Variants in MEI1 observed in about 807,000 individuals in gnomAD.
The protein encoded by MEI1 is meiosis inhibitor protein 1.
A neutral mutation model predicts 146.2 loss-of-function variants in MEI1; 103 were observed. That is an observed-to-expected ratio of 0.70 (90% CI 0.60 to 0.83). The LOEUF is 0.83. MEI1 is among the 40% of genes least tolerant of loss of function. The pLI, the probability that MEI1 is intolerant of heterozygous loss-of-function variation, is 0.00. For synonymous variants in MEI1, 652 were observed against 628.2 expected, an observed-to-expected ratio of 1.04 and a Z score of -0.57; for missense variants, 1,529 against 1,533.0, an observed-to-expected ratio of 1.00 and a Z score of 0.04.
At chr22:41,796,597 A>G (rs1372068449) in intron 30 of MEI1, among the ~76,000 whole-genome samples, 4 of 152,122 alleles carry the variant, frequency 2.6e-5, no homozygotes, top group African/African-American at 9.7e-5. Context: ...AGTGCTCCAA[A>G]ATCTGAAACT....
At position 41,747,653 on chromosome 22, in the gene MEI1, G is replaced by A. The variant is rs1400556738; in HGVS notation, c.1681-454G>A. On this transcript the variant is annotated intron_variant, in intron 14 of 30. Transcript: ENST00000401548. Reference sequence around the variant, plus strand: ...CGAGAGGCAGAGGTTTCAATGAGCCGAGATCGCACCACTGATCGCCAGCCT... The same window carrying A: ...CGAGAGGCAGAGGTTTCAATGAGCCAAGATCGCACCACTGATCGCCAGCCT... Among the ~76,000 whole-genome samples the A allele has an allele frequency of 9.2e-5, 14 of 151,864 alleles. 1 individual carries two copies. The highest frequency in any genetic ancestry group is 8.5e-4 in the Admixed American group (13 of 15,238).
chr22:41,778,600 A>G, intron 21 of MEI1, 108 bp from the exon 22 acceptor site: 1 of 801,714 alleles, frequency 1.2e-6, no homozygotes, highest in African/African-American at 1.7e-5. Context: ...CTTAGGAAAC[A>G]AAAAACTTTG....
chr22:41,793,937 T>C (rs78516631), intron 27 of MEI1, 27 bp downstream of exon 27: 1 of 1,594,142 alleles, frequency 6.3e-7, no homozygotes, highest in African/African-American at 1.3e-5. Context: ...TTATCTGATG[T>C]TCCCATGAGA....
intron 6 of MEI1, among the ~76,000 whole-genome samples, chr22:41,723,368 A>G (rs2071038274): frequency 6.6e-6 from 1 of 152,116 alleles, no homozygotes; most frequent in Admixed American, 6.6e-5. Flanking sequence ...ACATGCCTCC[A>G]TGCCAGGCTA....
chr22:41,743,222 G>A (rs776051484), intron 12 of MEI1, 28 bp downstream of exon 12: 34 of 1,496,202 alleles, frequency 2.3e-5, no homozygotes, highest in South Asian at 6.8e-5. Flanking sequence ...TGCTGCTTCC[G>A]AAGATCATGC....
At chr22:41,779,570 G>A (rs908319618) in intron 22 of MEI1, among the ~76,000 whole-genome samples, 4 of 152,100 alleles carry the variant, frequency 2.6e-5, no homozygotes, top group Non-Finnish European at 5.9e-5. Flanking sequence ...GTTCCTCATA[G>A]GTAAAGTAGT....
chr22:41,707,158 G>A (rs1027121942), intron 3 of MEI1, among the ~76,000 whole-genome samples: 5 of 152,000 alleles, frequency 3.3e-5, no homozygotes, highest in South Asian at 2.1e-4. Flanking sequence ...AGCTGAGATC[G>A]CGCCACTGCA....
chr22:41,714,415 GT>G (rs1296881837), intron 4 of MEI1, among the ~76,000 whole-genome samples: 2 of 152,088 alleles, frequency 1.3e-5, no homozygotes, highest in African/African-American at 4.8e-5. Context: ...TGTTCTCTAT[GT>G]CTTGTTTTGG....
At chr22:41,792,986 T>C (rs1205827472) in intron 26 of MEI1, among the ~76,000 whole-genome samples, 1 of 150,150 alleles carries the variant, frequency 6.7e-6, no homozygotes, top group African/African-American at 2.4e-5. Flanking sequence ...TCTATAAATC[T>C]TTTAGTGTGG....
intron 6 of MEI1, 106 bp downstream of exon 6, chr22:41,718,380 A>G: frequency 2.8e-6 from 3 of 1,067,460 alleles, no homozygotes; most frequent in East Asian, 5.2e-5. Context: ...CTGTTTTGCA[A>G]AAGGTAGAAG....
chr22:41,709,368 C>T (rs1601650013), intron 3 of MEI1: 3 of 729,386 alleles, frequency 4.1e-6, no homozygotes, highest in Admixed American at 1.7e-5. Context: ...CCTTTTTAGG[C>T]TTGGGCTCTG....
intron 11 of MEI1, among the ~76,000 whole-genome samples, chr22:41,741,128 A>C (rs1371654161): frequency 6.6e-6 from 1 of 152,114 alleles, no homozygotes; most frequent in Non-Finnish European, 1.5e-5. Flanking sequence ...GTTTTAAGAA[A>C]GTTTACAAAT....
At chr22:41,772,930 C>G (rs773003109) in intron 20 of MEI1, among the ~76,000 whole-genome samples, 4 of 152,198 alleles carry the variant, frequency 2.6e-5, no homozygotes, top group Non-Finnish European at 4.4e-5. Flanking sequence ...TCATTATCTC[C>G]TCTCCCAAAT....
intron 9 of MEI1, 151 bp from the exon 10 acceptor site, chr22:41,732,094 T>C (rs2071915936): frequency 1.6e-6 from 1 of 611,100 alleles, no homozygotes; most frequent in South Asian, 1.9e-5. Context: ...GATCTCACAG[T>C]CTGGTCCCAT....
chr22:41,729,635 T>G, intron 7 of MEI1, 30 bp from the exon 8 acceptor site: 1 of 1,451,626 alleles, frequency 6.9e-7, no homozygotes, highest in Non-Finnish European at 9.6e-7. Context: ...GTGGTGTGAC[T>G]GGGGTACTTT....
chr22:41,764,736 A>T (rs1484905492), intron 19 of MEI1, among the ~76,000 whole-genome samples: 1 of 152,208 alleles, frequency 6.6e-6, no homozygotes, highest in Non-Finnish European at 1.5e-5. Context: ...TAGCCTAATT[A>T]ACAATGATCT....
chr22:41,758,479 A>C lies in MEI1; in HGVS notation c.2066A>C (p.Gln689Pro), dbSNP rs1416295245. The change falls in exon 18 of 31, where the codon CAG (glutamine) becomes CCG (proline). Residue 689 changes from glutamine (Q) to proline (P), a missense_variant. Coordinates refer to ENST00000401548, the MANE Select transcript of MEI1 (RefSeq NM_152513.4). The stretch of plus-strand genomic sequence containing the variant: ...CAGTACATGGAGGGAGCTGCTCGCC[A>C]GAGACAGTACTGCATCCTGCTCCTC... ...DRQYMEGAAR[Q>P]RQYCILLLFY... 1 of 1,613,808 alleles carries C rather than the reference A, an allele frequency of 6.2e-7. No individual in the cohort carries two copies.
At chr22:41,746,202 T>A in intron 14 of MEI1, 176 bp downstream of exon 14, 2 of 508,040 alleles carry the variant, frequency 3.9e-6, no homozygotes, top group East Asian at 6.4e-5. Flanking sequence ...AGTGTTTGAT[T>A]ATGAAACTAA....
At chr22:41,785,887 ATTTT>A (rs1156828948) in intron 26 of MEI1, among the ~76,000 whole-genome samples, 1 of 129,706 alleles carries the variant, frequency 7.7e-6, no homozygotes, top group African/African-American at 2.7e-5. Flanking sequence ...TTATTTTTTT[ATTTT>A]TTTATTTTTT....
Sources: gnomAD v4.1 joint callset for allele counts (sites outside exome capture counted in the v4.1 genomes callset) on GRCh38, gnomAD v4.1.1 for gene constraint, MANE v1.5 for transcripts, NCBI Gene and HGNC (gene_info 2026-07-23, HGNC 2026-07-21) for gene names.